TNIK: variants seen among roughly 807,000 people sequenced by gnomAD.
TNIK encodes TRAF2 and NCK-interacting protein kinase.
TNIK carries 49 observed loss-of-function variants against 191.3 expected under a neutral mutation model. The ratio of observed to expected loss-of-function variants is 0.26; its 90% confidence interval spans 0.20 to 0.32. TNIK has a LOEUF of 0.32. Among genes scored for constraint, TNIK ranks in the 10% least tolerant of loss-of-function variants. The pLI, the probability that TNIK is intolerant of heterozygous loss-of-function variation, is 1.00. For missense variants in TNIK, 1,155 were observed against 1,702.3 expected, an observed-to-expected ratio of 0.68 and a Z score of 5.66; for synonymous variants, 594 against 600.9, an observed-to-expected ratio of 0.99 and a Z score of 0.17.
At chr3:171,381,060 A>AT (rs5854420) in intron 1 of TNIK, among the ~76,000 whole-genome samples, 50,585 of 151,384 alleles carry the variant, frequency 0.33, 9,218 homozygotes, top group African/African-American at 0.47. Context: ...ATTTGCATCT[A>AT]TTTTTTTTTC....
intron 2 of TNIK, among the ~76,000 whole-genome samples, chr3:171,329,214 C>T (rs1294421347): frequency 6.6e-6 from 1 of 152,066 alleles, no homozygotes; most frequent in Admixed American, 6.5e-5. Context: ...GTTCATAATG[C>T]CTGGTCCCTA....
At chr3:171,257,375 T>G (rs1747009876) in intron 2 of TNIK, among the ~76,000 whole-genome samples, 1 of 152,246 alleles carries the variant, frequency 6.6e-6, no homozygotes, top group Non-Finnish European at 1.5e-5. Context: ...CATGTGACCC[T>G]GACACTTTAA....
chr3:171,428,906 C>A (rs566439662), intron 1 of TNIK, among the ~76,000 whole-genome samples: 2 of 152,210 alleles, frequency 1.3e-5, no homozygotes, highest in South Asian at 4.2e-4. Flanking sequence ...GTCCCTTGTC[C>A]CCCTGAAGCT....
At chr3:171,435,333 C>T (rs1725900554) in intron 1 of TNIK, among the ~76,000 whole-genome samples, 1 of 152,090 alleles carries the variant, frequency 6.6e-6, no homozygotes, top group African/African-American at 2.4e-5. Flanking sequence ...TTCTACCTCC[C>T]CCATGCTGGG....
At chr3:171,098,942 C>T (rs912429974) in intron 22 of TNIK, among the ~76,000 whole-genome samples, 3 of 152,098 alleles carry the variant, frequency 2.0e-5, no homozygotes, top group African/African-American at 7.2e-5. Context: ...TTGTACCCTT[C>T]GTACCCTTAT....
intron 1 of TNIK, among the ~76,000 whole-genome samples, chr3:171,416,793 T>C (rs1337901842): frequency 6.6e-6 from 1 of 152,238 alleles, no homozygotes; most frequent in African/African-American, 2.4e-5. Context: ...TTATGAAAAC[T>C]ATATTTCCTA....
At chr3:171,173,633 C>G (rs1036016291) in intron 9 of TNIK, among the ~76,000 whole-genome samples, 3 of 152,182 alleles carry the variant, frequency 2.0e-5, no homozygotes, top group Admixed American at 2.0e-4. Flanking sequence ...AATTAATACA[C>G]ATATTTTTAA....
chr3:171,341,009 G>C (rs1223348977), intron 2 of TNIK, among the ~76,000 whole-genome samples: 3 of 151,970 alleles, frequency 2.0e-5, no homozygotes, highest in African/African-American at 7.3e-5. Flanking sequence ...GGTAGCTAGG[G>C]GTTACTGATT....
At chr3:171,170,661 T>G (rs558569231) in intron 9 of TNIK, among the ~76,000 whole-genome samples, 1 of 152,318 alleles carries the variant, frequency 6.6e-6, no homozygotes, top group South Asian at 2.1e-4. Context: ...TTTGCTATTA[T>G]GATGATGATG....
intron 2 of TNIK, among the ~76,000 whole-genome samples, chr3:171,321,520 T>C (rs974343306): frequency 6.6e-6 from 1 of 152,132 alleles, no homozygotes; most frequent in Admixed American, 6.5e-5. Context: ...GACAGGAAAA[T>C]TCATTTTTAT....
intron 3 of TNIK, among the ~76,000 whole-genome samples, chr3:171,227,797 A>G (rs558667935): frequency 1.3e-5 from 2 of 152,046 alleles, no homozygotes; most frequent in Admixed American, 1.3e-4. Context: ...TCAACTTACG[A>G]TTTTTTTTGA....
At chr3:171,300,566 A>G (rs1752773000) in intron 2 of TNIK, among the ~76,000 whole-genome samples, 1 of 152,212 alleles carries the variant, frequency 6.6e-6, no homozygotes. Context: ...CTTTCAATAT[A>G]AATGATGGTG....
intron 2 of TNIK, among the ~76,000 whole-genome samples, chr3:171,281,778 A>C (rs1264083935): frequency 6.6e-6 from 1 of 152,236 alleles, no homozygotes; most frequent in Non-Finnish European, 1.5e-5. Context: ...TGTAGAGTAC[A>C]ATCTTTAAAC....
At position 171,429,756 on chromosome 3, in the gene TNIK, T is replaced by A. The variant is rs534040297; in HGVS notation, c.57+30251A>T. Reference sequence around the variant, plus strand: ...CCCTCTCTGGTTGTTCTCTCCTCCATCCCCTCTTCTCTACTCTATGTTAAT... The same window carrying A: ...CCCTCTCTGGTTGTTCTCTCCTCCAACCCCTCTTCTCTACTCTATGTTAAT... On this transcript the variant is annotated intron_variant, in intron 1 of 32. Transcript: ENST00000436636. Among the ~76,000 whole-genome samples, 3 of 152,186 alleles carry A rather than the reference T, an allele frequency of 2.0e-5. No homozygotes were observed. In the East Asian group the frequency reaches 5.8e-4, roughly 29 times the overall value.
At chr3:171,068,637 A>C (rs1718769347) in intron 30 of TNIK, among the ~76,000 whole-genome samples, 1 of 152,240 alleles carries the variant, frequency 6.6e-6, no homozygotes, top group Admixed American at 6.5e-5. Flanking sequence ...AATGATTTCT[A>C]TTATGTATTC....
intron 8 of TNIK, 55 bp from the exon 9 acceptor site, chr3:171,175,385 A>G: frequency 6.6e-7 from 1 of 1,505,932 alleles, no homozygotes; most frequent in Non-Finnish European, 9.0e-7. Flanking sequence ...ACCCAGGCCA[A>G]GCCCGTCTTG....
At chr3:171,292,292 A>G (rs1751770908) in intron 2 of TNIK, among the ~76,000 whole-genome samples, 2 of 152,250 alleles carry the variant, frequency 1.3e-5, no homozygotes, top group South Asian at 4.1e-4. Flanking sequence ...TTTGGATTGT[A>G]TCCTAAACAT....
chr3:171,066,375 T>A lies in TNIK; in HGVS notation c.3860-49A>T, dbSNP rs200693466. ...TGCATTAAAAACATTAGATGGGCAA[T>A]AACTCACAGCATCTGTTCACATCTT... On this transcript the variant is annotated intron_variant, in intron 31 of 32. Coordinates refer to ENST00000436636, the MANE Select transcript of TNIK (RefSeq NM_015028.4). The A allele has an allele frequency of 5.3e-5, 85 of 1,601,576 alleles. No homozygotes were observed. In the African/African-American group the frequency reaches 1.1e-3, roughly 21 times the overall value.
chr3:171,414,699 C>T (rs554414414), intron 1 of TNIK, among the ~76,000 whole-genome samples: 2 of 152,320 alleles, frequency 1.3e-5, no homozygotes, highest in African/African-American at 4.8e-5. Flanking sequence ...TAAAACTATT[C>T]GCATATCTTT....
Sources: allele counts gnomAD v4.1 joint callset (sites outside exome capture counted in the v4.1 genomes callset), GRCh38; gene constraint gnomAD v4.1.1; transcripts MANE v1.5; gene names NCBI Gene and HGNC (gene_info 2026-07-23, HGNC 2026-07-21).